Variants in TTC34 observed in about 807,000 individuals in gnomAD.
TTC34 encodes the protein tetratricopeptide repeat protein 34.
A neutral mutation model predicts 40.7 loss-of-function variants in TTC34; 44 were observed. The ratio of observed to expected loss-of-function variants is 1.08; its 90% CI spans 0.85 to 1.39. The LOEUF is 1.39. TTC34 is among the 40% of genes most tolerant of loss of function. The pLI, the probability that TTC34 is intolerant of heterozygous loss-of-function variation, is 0.00. For synonymous variants in TTC34, 422 were observed against 398.6 expected (o/e 1.06, Z -0.70); for missense variants, 884 against 838.0 (o/e 1.05, Z -0.68).
At chr1:2,753,084 G>T (rs1279127145) in intron 6 of TTC34, among the ~76,000 whole-genome samples, 6,576 of 58,210 alleles carry the variant, frequency 0.11, 5 homozygotes, top group South Asian at 0.2. Flanking sequence ...AGCCTGGAAC[G>T]GCAACCACAC....
intron 6 of TTC34, among the ~76,000 whole-genome samples, chr1:2,755,835 C>A (rs1170913202): frequency 2.1e-5 from 2 of 94,056 alleles, no homozygotes; most frequent in Non-Finnish European, 3.9e-5. Context: ...CACAGGTGAG[C>A]ATCCGACAGC....
chr1:2,749,102 G>A (rs1258882701), intron 6 of TTC34, among the ~76,000 whole-genome samples: 508 of 60,208 alleles, frequency 8.4e-3, no homozygotes, highest in African/African-American at 0.019. Context: ...GCATCCGACA[G>A]CCTGGAGCAG....
At chr1:2,785,334 G>A (rs1019145678) in intron 5 of TTC34, among the ~76,000 whole-genome samples, 7 of 112,882 alleles carry the variant, frequency 6.2e-5, no homozygotes, top group Admixed American at 9.3e-5. Context: ...GGGAAACATC[G>A]CCTTCCCTCC....
rs75566790 is a variant in TTC34, at chr1:2,649,798, G to GT, written c.2227-4236dup. ...CAAAGTGCTGGGATTACAAGCACGA[G>GT]TCATCGCACCTGGCTGATCATCTGA... On this transcript the variant is annotated intron_variant, in intron 6 of 8. Transcript: ENST00000401095. Among the ~76,000 whole-genome samples the GT allele has an allele frequency of 1.2e-3, 179 of 152,212 alleles. 6 individuals are homozygous for GT. The East Asian group carries it at 0.034, about 29-fold the overall frequency.
At chr1:2,675,083 C>A (rs1208248000) in intron 6 of TTC34, among the ~76,000 whole-genome samples, 2 of 105,138 alleles carry the variant, frequency 1.9e-5, no homozygotes, top group African/African-American at 3.3e-5. Context: ...GCCCACACAC[C>A]CAGGCGAGCA....
intron 6 of TTC34, among the ~76,000 whole-genome samples, chr1:2,649,782 G>A (rs1288420127): frequency 6.6e-6 from 1 of 152,074 alleles, no homozygotes; most frequent in East Asian, 1.9e-4. Flanking sequence ...CCAAAGTGCT[G>A]GGATTACAAG....
At chr1:2,653,720 G>A (rs71516273) in intron 6 of TTC34, among the ~76,000 whole-genome samples, 1 of 48,442 alleles carries the variant, frequency 2.1e-5, no homozygotes, top group Admixed American at 2.2e-4. Context: ...GTCTGGAGCA[G>A]CACCCACAAC....
At chr1:2,686,645 C>A (rs796822749) in intron 6 of TTC34, among the ~76,000 whole-genome samples, 7 of 85,254 alleles carry the variant, frequency 8.2e-5, no homozygotes, top group African/African-American at 1.3e-4. Context: ...CCCACACACC[C>A]AGGTGAGCAT....
chr1:2,688,172 A>T (rs1640454689), intron 6 of TTC34, among the ~76,000 whole-genome samples: 374 of 144,514 alleles, frequency 2.6e-3, no homozygotes, highest in African/African-American at 9.2e-3. Context: ...CCACACCCCC[A>T]GGCGAGCATC....
chr1:2,798,922 G>C (rs12737163), intron 2 of TTC34, among the ~76,000 whole-genome samples: 30,211 of 38,864 alleles, frequency 0.78, 12,256 homozygotes, highest in East Asian at 0.85. Context: ...TCCAAGCCTC[G>C]CAGCCCCCCA....
exon 9 of TTC34, chr1:2,641,353 G>C: frequency 6.8e-7 from 1 of 1,478,056 alleles, no homozygotes; most frequent in Non-Finnish European, 9.0e-7. Context: ...AGGGCTGGGA[G>C]AGGGTCAGGC....
intron 3 of TTC34, 31 bp downstream of exon 3, chr1:2,789,472 G>A: frequency 6.7e-7 from 1 of 1,498,252 alleles, no homozygotes; most frequent in South Asian, 1.2e-5. Context: ...GCAGGAAGCA[G>A]CGGCCCCAGC....
chr1:2,650,102 A>AGCGTCTG (rs1639098647), intron 6 of TTC34, among the ~76,000 whole-genome samples: 1 of 150,378 alleles, frequency 6.6e-6, no homozygotes, highest in African/African-American at 2.5e-5. Flanking sequence ...TCCCCAGGTG[A>AGCGTCTG]ACATCTGACA....
exon 9 of TTC34, chr1:2,640,276 G>A (rs1638875241): frequency 6.6e-6 from 1 of 152,274 alleles, no homozygotes; most frequent in Admixed American, 6.5e-5. Context: ...TGAGGCCTCA[G>A]TCTGTGACAC....
At chr1:2,652,438 C>T (rs1378977028) in intron 6 of TTC34, among the ~76,000 whole-genome samples, 334 of 149,998 alleles carry the variant, frequency 2.2e-3, no homozygotes, top group African/African-American at 3.8e-3. Flanking sequence ...TGGAACAGCA[C>T]CCACACCCCC....
At chr1:2,752,590 A>C (rs1641360782) in intron 6 of TTC34, among the ~76,000 whole-genome samples, 1 of 53,358 alleles carries the variant, frequency 1.9e-5, no homozygotes, top group Non-Finnish European at 3.2e-5. Context: ...TGAGAATCTG[A>C]CAACCTGGAA....
intron 2 of TTC34, among the ~76,000 whole-genome samples, chr1:2,795,507 T>C (rs1307268012): frequency 6.6e-6 from 1 of 152,172 alleles, no homozygotes; most frequent in Non-Finnish European, 1.5e-5. Flanking sequence ...CCTGGGAGAA[T>C]TCCAAGGTGA....
chr1:2,642,430 C>G (rs1259434854), intron 8 of TTC34, among the ~76,000 whole-genome samples: 3 of 152,156 alleles, frequency 2.0e-5, no homozygotes, highest in Admixed American at 6.5e-5. Context: ...CACGTGCACC[C>G]TAGCCCCTCT....
intron 6 of TTC34, among the ~76,000 whole-genome samples, chr1:2,691,783 C>A (rs552859393): frequency 0.013 from 1,150 of 91,228 alleles, 40 homozygotes; most frequent in African/African-American, 0.042. Flanking sequence ...AGCACCCACA[C>A]CCCCAGGCGA....
Sources: allele counts gnomAD v4.1 joint callset (sites outside exome capture counted in the v4.1 genomes callset), GRCh38; gene constraint gnomAD v4.1.1; transcripts MANE v1.5; gene names NCBI Gene and HGNC (gene_info 2026-07-23, HGNC 2026-07-21).